LZIC: variants seen among roughly 807,000 people sequenced by gnomAD.
LZIC encodes protein LZIC.
In LZIC, 28 loss-of-function variants were observed where a neutral mutation model predicts 25.4. The observed-to-expected ratio is 1.10, with a 90% CI of 0.82 to 1.51. The LOEUF is 1.51. LZIC is among the 40% of genes most tolerant of loss of function. The pLI, the probability that LZIC is intolerant of heterozygous loss-of-function variation, is 0.00. For synonymous variants in LZIC, 65 were observed against 70.7 expected, an observed-to-expected ratio of 0.92 and a Z score of 0.40; for missense variants, 170 against 211.1, an observed-to-expected ratio of 0.81 and a Z score of 1.21.
At chr1:9,936,855 G>A (rs554703845) in intron 2 of LZIC, among the ~76,000 whole-genome samples, 2 of 152,362 alleles carry the variant, frequency 1.3e-5, no homozygotes, top group Admixed American at 1.3e-4. Context: ...CTGCGGCCAG[G>A]CGCCGGTGGC....
chr1:9,933,350 A>C (rs936315903), intron 5 of LZIC, among the ~76,000 whole-genome samples: 2 of 149,764 alleles, frequency 1.3e-5, no homozygotes, highest in Non-Finnish European at 3.0e-5. Context: ...AAAATCCTCT[A>C]GCTGATTAAT....
intron 2 of LZIC, among the ~76,000 whole-genome samples, chr1:9,938,132 C>T (rs1640542175): frequency 6.6e-6 from 1 of 152,030 alleles, no homozygotes; most frequent in African/African-American, 2.4e-5. Flanking sequence ...CAGATATTAT[C>T]TTATTGGTCT....
chr1:9,929,538 G>C lies in LZIC; in HGVS notation c.*861C>G. 1.0e-6 allele frequency: 1 copy of C among 985,420 alleles called. No individual in the cohort carries two copies. The highest frequency in any genetic ancestry group is 1.2e-6 in the Non-Finnish European group (1 of 829,934). The allele number at this position is 985,420 out of a possible 1,614,324, so 61.0% of individuals were successfully genotyped here. A position where few individuals can be genotyped will look rare whatever the true frequency, so the allele number is the denominator to read the frequency against. ...AGTTACCCCCCTCTGAGTGTGACAAGAGGTCACGCACAGGGAGGGCCTCTA... is the reference window on the plus strand; with the variant it reads ...AGTTACCCCCCTCTGAGTGTGACAACAGGTCACGCACAGGGAGGGCCTCTA... On this transcript the variant is annotated 3_prime_UTR_variant, in exon 8 of 8. Coordinates refer to ENST00000377223, the MANE Select transcript of LZIC (RefSeq NM_032368.5).
chr1:9,924,823 A>G (rs1374960160), downstream of LZIC, among the ~76,000 whole-genome samples: 1 of 152,150 alleles, frequency 6.6e-6, no homozygotes, highest in East Asian at 1.9e-4. Context: ...TAATATGACA[A>G]TTTAGTAGTG....
Position 9,927,745 on chromosome 1 carries a change from G to A in LZIC, c.*2654C>T, listed in dbSNP as rs1177145786. On this transcript the variant is annotated 3_prime_UTR_variant, in exon 8 of 8. Transcript: ENST00000377223. ...GTCGCCCAGGCTGGAGTGCAGTGGC[G>A]CCATCTCGGCTCACCGAAACCTCTG... 7.1e-6 allele frequency among the ~76,000 whole-genome samples: 1 copy of A among 141,382 alleles called. No individual in the cohort carries two copies. The highest frequency in any genetic ancestry group is 1.5e-5 in the Non-Finnish European group (1 of 66,610). The allele number at this position is 141,382 out of a possible 152,430, so 92.8% of individuals were successfully genotyped here.
intron 2 of LZIC, among the ~76,000 whole-genome samples, chr1:9,936,892 G>A (rs1443726940): frequency 6.6e-6 from 1 of 152,240 alleles, no homozygotes; most frequent in Non-Finnish European, 1.5e-5. Context: ...AGCACTTTGG[G>A]AGGCCGAGGC....
chr1:9,923,455 C>T (rs1639907343), downstream of LZIC, among the ~76,000 whole-genome samples: 1 of 151,432 alleles, frequency 6.6e-6, no homozygotes, highest in Non-Finnish European at 1.5e-5. Context: ...GGTGATCAGC[C>T]TGCGTCAGCC....
chr1:9,929,989 G>A lies in LZIC; in HGVS notation c.*410C>T, dbSNP rs1640140775. 4.0e-6 allele frequency: 4 copies of A among 988,932 alleles called. No homozygotes were observed. Among genetic ancestry groups the A allele is most frequent in the Non-Finnish European group, 4.8e-6 (4 of 831,092 alleles). The allele number at this position is 988,932 out of a possible 1,614,324, so 61.3% of individuals were successfully genotyped here. A position where few individuals can be genotyped will look rare whatever the true frequency, so the allele number is the denominator to read the frequency against. Reference sequence around the variant, plus strand: ...GTAAAATTCTATGAACACTTATGAAGTCTATTGAGCTTGCGTCACTGTTCA... The same window carrying A: ...GTAAAATTCTATGAACACTTATGAAATCTATTGAGCTTGCGTCACTGTTCA... On this transcript the variant is annotated 3_prime_UTR_variant, in exon 8 of 8. Coordinates refer to ENST00000377223, the MANE Select transcript of LZIC (RefSeq NM_032368.5).
Position 9,929,328 on chromosome 1 carries a change from T to C in LZIC, c.*1071A>G, listed in dbSNP as rs1640116329. 1.0e-6 allele frequency: 1 copy of C among 984,912 alleles called. No homozygotes were observed. Among genetic ancestry groups the C allele is most frequent in the African/African-American group, 1.7e-5 (1 of 57,352 alleles). The allele number at this position is 984,912 out of a possible 1,614,324, so 61.0% of individuals were successfully genotyped here. A position where few individuals can be genotyped will look rare whatever the true frequency, so the allele number is the denominator to read the frequency against. On this transcript the variant is annotated 3_prime_UTR_variant, in exon 8 of 8. Coordinates refer to ENST00000377223, the MANE Select transcript of LZIC (RefSeq NM_032368.5). ...TTGTATAAAGTGCAAAGAAAAAGAA[T>C]ATTGAGAAGCACATGAAAGAATATA...
intron 3 of LZIC, 21 bp from the exon 4 acceptor site, chr1:9,935,648 G>A (rs761850744): frequency 2.5e-6 from 4 of 1,577,220 alleles, no homozygotes; most frequent in Non-Finnish European, 3.4e-6. Context: ...TGAACATCAT[G>A]ATATGGAAAA....
chr1:9,940,208 GCT>G (rs1640647951), intron 2 of LZIC, among the ~76,000 whole-genome samples: 1 of 151,528 alleles, frequency 6.6e-6, no homozygotes, highest in African/African-American at 2.4e-5. Flanking sequence ...ACAGAGTCTT[GCT>G]CTGTCGCCCA....
At chr1:9,938,104 T>A (rs1419639369) in intron 2 of LZIC, among the ~76,000 whole-genome samples, 2 of 152,064 alleles carry the variant, frequency 1.3e-5, no homozygotes, top group Admixed American at 6.6e-5. Flanking sequence ...AAATGAATCA[T>A]TATAGCCCCA....
rs1461964202 is a variant in LZIC at position 9,926,869 on chromosome 1, A to G, written c.*3530T>C. Among the ~76,000 whole-genome samples the G allele has an allele frequency of 1.3e-5, 2 of 152,260 alleles. No individual in the cohort carries two copies. The highest frequency in any genetic ancestry group is 4.8e-5 in the African/African-American group (2 of 41,474). ...AGAAACACAGTTTATAAGTCATTTA[A>G]TAACTATAATTGCATAGAATTTACT... is the stretch of plus-strand genomic sequence containing the variant. On this transcript the variant is annotated 3_prime_UTR_variant, in exon 8 of 8. Transcript: ENST00000377223.
rs557428739 is a variant in LZIC, at chr1:9,934,177, G to A, written c.336+585C>T. Among the ~76,000 whole-genome samples, 139 of 150,998 alleles carry A rather than the reference G, an allele frequency of 9.2e-4. 1 individual carries two copies. Among genetic ancestry groups the A allele is most frequent in the African/African-American group, 3.1e-3 (129 of 41,160 alleles). On this transcript the variant is annotated intron_variant, in intron 5 of 7. Transcript: ENST00000377223. ...CCAGAGGCAGAGGTTGTACTGAACCGAGATTGCGCCACTGCCCTCCAGCCT... is the reference window on the plus strand; with the variant it reads ...CCAGAGGCAGAGGTTGTACTGAACCAAGATTGCGCCACTGCCCTCCAGCCT...
intron 2 of LZIC, among the ~76,000 whole-genome samples, chr1:9,940,369 C>T (rs889086758): frequency 2.6e-5 from 4 of 152,148 alleles, no homozygotes; most frequent in East Asian, 2.0e-4. Flanking sequence ...TTAGTAGAGA[C>T]GGGGTTTCAT....
intron 2 of LZIC, among the ~76,000 whole-genome samples, chr1:9,938,352 A>T (rs565489312): frequency 6.6e-6 from 1 of 152,176 alleles, no homozygotes; most frequent in East Asian, 1.9e-4. Flanking sequence ...TTTTGTAGAG[A>T]TGGGGTCTCC....
At chr1:9,932,618 G>A (rs1015582292) in intron 6 of LZIC, among the ~76,000 whole-genome samples, 185 bp downstream of exon 6, 7 of 149,888 alleles carry the variant, frequency 4.7e-5, no homozygotes, top group Admixed American at 2.7e-4. Context: ...AGGAGGGGGA[G>A]GTTGCAGTGA....
At chr1:9,925,602 T>C (rs1425292787), downstream of LZIC, among the ~76,000 whole-genome samples, 2 of 152,158 alleles carry the variant, frequency 1.3e-5, no homozygotes, top group African/African-American at 2.4e-5. Flanking sequence ...GTGAACTCTT[T>C]TTTTTTGAGA....
intron 7 of LZIC, among the ~76,000 whole-genome samples, chr1:9,930,945 C>G (rs1343480966): frequency 6.6e-6 from 1 of 152,030 alleles, no homozygotes; most frequent in East Asian, 1.9e-4. Flanking sequence ...TCTCGAACTC[C>G]TGACCTCAGG....
Sources: allele counts gnomAD v4.1 joint callset (sites outside exome capture counted in the v4.1 genomes callset), GRCh38; gene constraint gnomAD v4.1.1; transcripts MANE v1.5; gene names NCBI Gene and HGNC (gene_info 2026-07-23, HGNC 2026-07-21).